Variants in SKIC2 observed in about 807,000 individuals in gnomAD.
The protein encoded by SKIC2 is superkiller complex protein 2.
At chr6:31,966,832 C>T in the SKIC2 span, 61 of 1,614,130 alleles carry the variant, frequency 3.8e-5, no homozygotes, top group Admixed American at 8.3e-5. This position sits in a 1 kb window ranked among gnomAD's most constrained non-coding sequence, Gnocchi z 5.9. Context: ...GTTTCCCTCC[C>T]GCAAAGACAG....
the SKIC2 span, chr6:31,967,953 C>T: frequency 6.2e-7 from 1 of 1,613,102 alleles, no homozygotes; most frequent in South Asian, 1.1e-5. The surrounding 1 kb of genome is among the most constrained non-coding windows in gnomAD (Gnocchi z 4.9). Flanking sequence ...CCCCTTTTCA[C>T]AGGGCCTTGT....
the SKIC2 span, chr6:31,966,600 G>T: frequency 8.6e-7 from 1 of 1,158,022 alleles, no homozygotes; most frequent in Non-Finnish European, 1.3e-6. This position sits in a 1 kb window ranked among gnomAD's most constrained non-coding sequence, Gnocchi z 5.9. Context: ...AAGGCCCCAT[G>T]GTTGCAGAGC....
At chr6:31,960,488 T>G in the SKIC2 span, 1 of 1,614,156 alleles carries the variant, frequency 6.2e-7, no homozygotes, top group East Asian at 2.2e-5. Context: ...TTCGCCGGCC[T>G]CCAGGGCCAG....
At chr6:31,969,682 C>A in the SKIC2 span, 1 of 1,604,570 alleles carries the variant, frequency 6.2e-7, no homozygotes, top group Non-Finnish European at 8.5e-7. This position sits in a 1 kb window ranked among gnomAD's most constrained non-coding sequence, Gnocchi z 6.1. Context: ...TACGGCGGGA[C>A]ATCGTATTTG....
the SKIC2 span, chr6:31,963,006 G>C: frequency 6.2e-7 from 1 of 1,612,422 alleles, no homozygotes; most frequent in Admixed American, 1.7e-5. This position sits in a 1 kb window ranked among gnomAD's most constrained non-coding sequence, Gnocchi z 5.3. Context: ...GTGGGAGGAG[G>C]TGCTTATCAT....
the SKIC2 span, chr6:31,967,176 G>A: frequency 3.1e-6 from 5 of 1,606,776 alleles, no homozygotes; most frequent in African/African-American, 1.3e-5. The surrounding 1 kb of genome is among the most constrained non-coding windows in gnomAD (Gnocchi z 4.9). Context: ...GGTGATAGGA[G>A]AAGGGAAGAG....
chr6:31,961,261 G>T, the SKIC2 span: 2 of 1,611,546 alleles, frequency 1.2e-6, no homozygotes, highest in Non-Finnish European at 1.7e-6. Flanking sequence ...GGATTTGGGT[G>T]GGGGTGACGA....
At chr6:31,961,892 A>G in the SKIC2 span, 4 of 1,612,458 alleles carry the variant, frequency 2.5e-6, no homozygotes, top group Non-Finnish European at 3.4e-6. Flanking sequence ...GCTCCTGTCT[A>G]TTTCTCTCTC....
the SKIC2 span, chr6:31,961,633 T>C: frequency 6.2e-7 from 1 of 1,612,972 alleles, no homozygotes; most frequent in South Asian, 1.1e-5. Flanking sequence ...CCACCTCCCC[T>C]GTTGGTGATT....
At chr6:31,962,082 T>C in the SKIC2 span, 2 of 1,609,464 alleles carry the variant, frequency 1.2e-6, no homozygotes, top group Non-Finnish European at 1.7e-6. The surrounding 1 kb of genome is among the most constrained non-coding windows in gnomAD (Gnocchi z 5.0). Context: ...AACCTCCCCC[T>C]TCACCAGCCA....
chr6:31,968,678 C>T, the SKIC2 span: 1 of 1,608,668 alleles, frequency 6.2e-7, no homozygotes, highest in Non-Finnish European at 8.5e-7. This position sits in a 1 kb window ranked among gnomAD's most constrained non-coding sequence, Gnocchi z 6.1. Context: ...ACGGGTGGCT[C>T]TCTGCAGTAC....
chr6:31,967,003 G>T, the SKIC2 span: 3 of 1,612,972 alleles, frequency 1.9e-6, no homozygotes, highest in Middle Eastern at 3.3e-4. This position sits in a 1 kb window ranked among gnomAD's most constrained non-coding sequence, Gnocchi z 4.9. Flanking sequence ...TCCCACCCAA[G>T]GCCCATGAAC....
chr6:31,960,090 G>C, the SKIC2 span: 4 of 1,612,962 alleles, frequency 2.5e-6, no homozygotes, highest in Non-Finnish European at 3.4e-6. Flanking sequence ...CAGCCTGGCT[G>C]CCTCTGCATG....
chr6:31,968,226 C>G, the SKIC2 span: 1 of 1,429,696 alleles, frequency 7.0e-7, no homozygotes, highest in Non-Finnish European at 9.7e-7. This position sits in a 1 kb window ranked among gnomAD's most constrained non-coding sequence, Gnocchi z 6.1. Flanking sequence ...CTAAGGGAGA[C>G]TGTGAAGTGG....
chr6:31,967,467 T>C, the SKIC2 span: 2 of 1,016,604 alleles, frequency 2.0e-6, no homozygotes, highest in South Asian at 2.7e-5. The surrounding 1 kb of genome is among the most constrained non-coding windows in gnomAD (Gnocchi z 4.9). Flanking sequence ...GGTTGCGTCA[T>C]CATAGGGCCC....
the SKIC2 span, among the ~76,000 whole-genome samples, chr6:31,964,682 C>T: frequency 3.3e-5 from 5 of 152,198 alleles, no homozygotes; most frequent in Admixed American, 1.3e-4. The surrounding 1 kb of genome is among the most constrained non-coding windows in gnomAD (Gnocchi z 5.0). Context: ...TCACAAGATA[C>T]GACTTTACAG....
chr6:31,959,239 A>G, the SKIC2 span: 1 of 1,608,452 alleles, frequency 6.2e-7, no homozygotes, highest in Non-Finnish European at 8.5e-7. Context: ...AGGGAAATGG[A>G]ACGGAGTAGC....
chr6:31,968,563 A>C, the SKIC2 span: 5 of 1,597,110 alleles, frequency 3.1e-6, no homozygotes, highest in Non-Finnish European at 4.3e-6. The surrounding 1 kb of genome is among the most constrained non-coding windows in gnomAD (Gnocchi z 6.1). Context: ...GGTAACTCCC[A>C]AGCTGGGAGT....
chr6:31,966,775 G>A, the SKIC2 span: 1 of 1,614,176 alleles, frequency 6.2e-7, no homozygotes, highest in Middle Eastern at 1.6e-4. This position sits in a 1 kb window ranked among gnomAD's most constrained non-coding sequence, Gnocchi z 5.9. Context: ...CTTGCTGCGA[G>A]TGGATGCCCT....
Sources: allele counts gnomAD v4.1 joint callset (sites outside exome capture counted in the v4.1 genomes callset), GRCh38; gene constraint gnomAD v4.1.1; non-coding constraint Gnocchi (gnomAD v3.1); transcripts MANE v1.5; gene names NCBI Gene and HGNC (gene_info 2026-07-23, HGNC 2026-07-21).